Variants in LRMDA observed in about 807,000 individuals in gnomAD.
The protein encoded by LRMDA is leucine-rich melanocyte differentiation-associated protein.
LRMDA carries 18 observed loss-of-function variants against 29.8 expected under a neutral mutation model. The observed-to-expected ratio is 0.60, with a 90% CI of 0.42 to 0.90. The LOEUF (loss-of-function observed/expected upper bound fraction) is 0.90. Among genes scored for constraint, LRMDA ranks in the 40% least tolerant of loss-of-function variants. The pLI is 0.00. For missense variants in LRMDA, 273 were observed against 273.9 expected, an observed-to-expected ratio of 1.00 and a Z score of 0.02; for synonymous variants, 125 against 109.4, an observed-to-expected ratio of 1.14 and a Z score of -0.89.
At chr10:76,403,243 T>C (rs1463500255) in intron 6 of LRMDA, 1 of 151,732 alleles carries the variant, frequency 6.6e-6, no homozygotes, top group African/African-American at 2.4e-5. Context: ...AATGTTGGCA[T>C]GTGGATAGAC....
At chr10:76,004,359 T>A (rs1450342452) in intron 2 of LRMDA, among the ~76,000 whole-genome samples, 1 of 152,240 alleles carries the variant, frequency 6.6e-6, no homozygotes, top group Admixed American at 6.5e-5. Context: ...GCCTCCTATG[T>A]AGAGTGAGAG....
At chr10:75,950,438 C>A (rs1474931020) in intron 2 of LRMDA, among the ~76,000 whole-genome samples, 2 of 152,220 alleles carry the variant, frequency 1.3e-5, no homozygotes, top group Admixed American at 1.3e-4. Context: ...TGCTTCCTAC[C>A]TTATGTCATA....
rs142492349 is a variant in LRMDA, at chr10:76,552,618, G to T, written c.602-4591G>T. ...TAAAATGAACCTCTGAGATTATCTG[G>T]CCCCTTGCCCTTGTTTTACAAATGG... On this transcript the variant is annotated intron_variant, in intron 6 of 6. Coordinates refer to ENST00000611255, the MANE Select transcript of LRMDA (RefSeq NM_001305581.2). Among the ~76,000 whole-genome samples the T allele has an allele frequency of 7.0e-4, 107 of 152,304 alleles. 2 individuals carry two copies. The East Asian group carries it at 0.018, about 26-fold the overall frequency.
At chr10:75,930,227 A>G (rs1846184673) in intron 2 of LRMDA, among the ~76,000 whole-genome samples, 1 of 152,218 alleles carries the variant, frequency 6.6e-6, no homozygotes, top group Non-Finnish European at 1.5e-5. Flanking sequence ...CACCAGAACC[A>G]TCAATCACTG....
chr10:76,548,858 TA>T (rs1843453493), intron 6 of LRMDA, among the ~76,000 whole-genome samples: 1 of 152,232 alleles, frequency 6.6e-6, no homozygotes, highest in African/African-American at 2.4e-5. Flanking sequence ...TCTGTTAGCC[TA>T]ATATTTCTTT....
At chr10:76,342,633 G>T (rs901750909) in intron 6 of LRMDA, among the ~76,000 whole-genome samples, 5 of 151,418 alleles carry the variant, frequency 3.3e-5, no homozygotes, top group African/African-American at 1.2e-4. Context: ...GAAAAATAAA[G>T]AAAATGCAAA....
intron 6 of LRMDA, among the ~76,000 whole-genome samples, chr10:76,409,562 C>A (rs75740728): frequency 6.6e-6 from 1 of 152,020 alleles, no homozygotes; most frequent in African/African-American, 2.4e-5. Flanking sequence ...TACTTCTAGC[C>A]TTTTTTTAGT....
intron 2 of LRMDA, among the ~76,000 whole-genome samples, chr10:75,898,056 C>T (rs1226594517): frequency 6.6e-6 from 1 of 151,976 alleles, no homozygotes; most frequent in Non-Finnish European, 1.5e-5. Flanking sequence ...GAACTCCTGA[C>T]CTCATGATCC....
intron 2 of LRMDA, among the ~76,000 whole-genome samples, chr10:75,608,842 T>C (rs1412798015): frequency 1.3e-5 from 2 of 152,166 alleles, no homozygotes; most frequent in African/African-American, 2.4e-5. Flanking sequence ...CACTGTTTCT[T>C]CCAAAGAATC....
intron 2 of LRMDA, among the ~76,000 whole-genome samples, chr10:75,955,410 A>G (rs1050065432): frequency 6.6e-6 from 1 of 152,068 alleles, no homozygotes; most frequent in Admixed American, 6.5e-5. Flanking sequence ...ATTAAACATG[A>G]GTTGGTTGGG....
intron 5 of LRMDA, among the ~76,000 whole-genome samples, chr10:76,314,436 A>G (rs913391502): frequency 6.6e-6 from 1 of 152,318 alleles, no homozygotes; most frequent in Non-Finnish European, 1.5e-5. Context: ...AAGTTTAGCA[A>G]ATAAGCACAC....
chr10:76,284,096 T>C (rs184116449), intron 5 of LRMDA, among the ~76,000 whole-genome samples: 358 of 152,304 alleles, frequency 2.4e-3, no homozygotes, highest in African/African-American at 8.2e-3. Context: ...AAGTTTGGGA[T>C]GTTATTTTTG....
chr10:76,091,426 A>C (rs1454875369), intron 5 of LRMDA, among the ~76,000 whole-genome samples: 1 of 152,088 alleles, frequency 6.6e-6, no homozygotes, highest in Admixed American at 6.5e-5. Flanking sequence ...CTTCCCTTTG[A>C]TACCATCTCT....
At chr10:76,323,577 A>G (rs540682416) in intron 5 of LRMDA, among the ~76,000 whole-genome samples, 19 of 152,242 alleles carry the variant, frequency 1.2e-4, no homozygotes, top group African/African-American at 4.6e-4. Context: ...TAGCAGCTAC[A>G]CTGTGAGTGT....
chr10:75,817,987 T>C (rs1306974524), intron 2 of LRMDA, among the ~76,000 whole-genome samples: 1 of 152,232 alleles, frequency 6.6e-6, no homozygotes, highest in African/African-American at 2.4e-5. Flanking sequence ...GCTTGGTGCT[T>C]ACACTTGTTT....
At chr10:75,712,389 C>T (rs1183258972) in intron 2 of LRMDA, among the ~76,000 whole-genome samples, 1 of 142,940 alleles carries the variant, frequency 7.0e-6, no homozygotes, top group South Asian at 2.3e-4. Context: ...CTGGGCCCTC[C>T]GTCAGCAGAT....
chr10:76,544,912 G>A (rs936992641), intron 6 of LRMDA, among the ~76,000 whole-genome samples: 4 of 152,080 alleles, frequency 2.6e-5, no homozygotes, highest in South Asian at 2.1e-4. Flanking sequence ...AACTTCTTTC[G>A]GTTAGATTAT....
chr10:75,671,289 C>T (rs189261229), intron 2 of LRMDA, among the ~76,000 whole-genome samples: 38 of 152,294 alleles, frequency 2.5e-4, no homozygotes, highest in African/African-American at 9.1e-4. Context: ...CCTTAGTTTT[C>T]AGGACTGTAC....
intron 6 of LRMDA, among the ~76,000 whole-genome samples, chr10:76,452,287 A>G (rs575708940): frequency 3.3e-5 from 5 of 152,180 alleles, no homozygotes; most frequent in Non-Finnish European, 7.4e-5. Context: ...CAGGGCCTCA[A>G]GGTCCATCTG....
Sources: gnomAD v4.1 joint callset for allele counts (sites outside exome capture counted in the v4.1 genomes callset) on GRCh38, gnomAD v4.1.1 for gene constraint, MANE v1.5 for transcripts, NCBI Gene and HGNC (gene_info 2026-07-23, HGNC 2026-07-21) for gene names.